Variants in GIPC2 observed in about 807,000 individuals in gnomAD.
GIPC2 encodes PDZ domain-containing protein GIPC2.
A neutral mutation model predicts 30.6 loss-of-function variants in GIPC2; 30 were observed. That is an observed-to-expected ratio of 0.98 (90% CI 0.73 to 1.33). The LOEUF (loss-of-function observed/expected upper bound fraction) is 1.33, where lower values mean the gene tolerates loss of function less well. Ranked by LOEUF, GIPC2 falls within the 40% of genes most tolerant of loss-of-function variation. GIPC2 has a pLI of 0.00. For missense variants in GIPC2, 414 were observed against 390.3 expected, an observed-to-expected ratio of 1.06 and a Z score of -0.51; for synonymous variants, 167 against 150.0, an observed-to-expected ratio of 1.11 and a Z score of -0.83.
intron 1 of GIPC2, among the ~76,000 whole-genome samples, chr1:78,054,992 G>T (rs1340533533): frequency 5.3e-5 from 8 of 152,120 alleles, no homozygotes. Context: ...GCTCTTGCAG[G>T]TTATCTTGGG....
intron 3 of GIPC2, among the ~76,000 whole-genome samples, chr1:78,102,039 C>A (rs540427724): frequency 1.3e-5 from 2 of 152,160 alleles, no homozygotes; most frequent in South Asian, 2.1e-4. Flanking sequence ...GTGATTCTTG[C>A]GTGCCCTTTA....
intron 1 of GIPC2, among the ~76,000 whole-genome samples, chr1:78,062,369 T>C (rs915217257): frequency 6.6e-6 from 1 of 152,184 alleles, no homozygotes; most frequent in Non-Finnish European, 1.5e-5. Context: ...ATTCCTGTTA[T>C]TTCCTTCCTT....
rs758543783 is a variant in GIPC2, at chr1:78,080,777, G to A, written c.343G>A (p.Glu115Lys). 6.2e-6 allele frequency: 10 copies of A among 1,609,342 alleles called. No individual in the cohort carries two copies. Among genetic ancestry groups the A allele is most frequent in the East Asian group, 2.2e-5 (1 of 44,796 alleles). ...CATATTTGCCCATGTGAAAGGAATCGAAAAAGAAGTGAATGTGTATAAATC... is the reference window on the plus strand; with the variant it reads ...CATATTTGCCCATGTGAAAGGAATCAAAAAAGAAGTGAATGTGTATAAATC... The part of the protein sequence containing the change: ...DFIFAHVKGI[E>K]KEVNVYKSED... The change falls in exon 2 of 6, where the codon GAA (glutamate) becomes AAA (lysine). Residue 115 changes from glutamate (E) to lysine (K), a missense_variant. Coordinates refer to ENST00000370759, the MANE Select transcript of GIPC2 (RefSeq NM_017655.6).
Position 78,064,643 on chromosome 1 carries a change from T to C in GIPC2, c.241-16032T>C, listed in dbSNP as rs1026391706. On this transcript the variant is annotated intron_variant, in intron 1 of 5. Coordinates refer to ENST00000370759, the MANE Select transcript of GIPC2 (RefSeq NM_017655.6). Reference sequence around the variant, plus strand: ...AGACGTCCTGTTGGTTTTGTACTTTTAGTTTTAGGATCCATCTTTTTAAAA... The same window carrying C: ...AGACGTCCTGTTGGTTTTGTACTTTCAGTTTTAGGATCCATCTTTTTAAAA... Among the ~76,000 whole-genome samples, 4 of 151,868 alleles carry C rather than the reference T, an allele frequency of 2.6e-5. No individual in the cohort carries two copies. The South Asian group carries it at 6.3e-4, about 24-fold the overall frequency.
At chr1:78,089,225 CAGAT>C (rs1389283540) in intron 2 of GIPC2, 1 of 152,164 alleles carries the variant, frequency 6.6e-6, no homozygotes, top group East Asian at 1.9e-4. Flanking sequence ...ACTTTAGAAT[CAGAT>C]AGGCCTGCTT....
intron 1 of GIPC2, among the ~76,000 whole-genome samples, chr1:78,054,224 AC>A (rs1338295075): frequency 3.3e-5 from 5 of 152,222 alleles, no homozygotes; most frequent in Non-Finnish European, 7.3e-5. Flanking sequence ...ATGATTTTTA[AC>A]ATAGCATTTG....
intron 2 of GIPC2, among the ~76,000 whole-genome samples, chr1:78,085,476 G>T (rs913820806): frequency 1.3e-5 from 2 of 151,202 alleles, no homozygotes; most frequent in Non-Finnish European, 3.0e-5. Context: ...CTCCTCCTCA[G>T]TAGTTTCTAT....
At chr1:78,071,999 G>A (rs1661628499) in intron 1 of GIPC2, among the ~76,000 whole-genome samples, 1 of 152,186 alleles carries the variant, frequency 6.6e-6, no homozygotes, top group Admixed American at 6.5e-5. Flanking sequence ...TTGTCAGAGA[G>A]GCATTGCCGG....
intron 1 of GIPC2, among the ~76,000 whole-genome samples, chr1:78,049,663 T>A (rs1661158823): frequency 6.6e-6 from 1 of 152,204 alleles, no homozygotes; most frequent in Admixed American, 6.5e-5. Context: ...GGGCCCATAA[T>A]GTGCCCACAG....
chr1:78,104,261 A>G (rs1167647894), intron 3 of GIPC2, among the ~76,000 whole-genome samples: 1 of 152,150 alleles, frequency 6.6e-6, no homozygotes, highest in East Asian at 1.9e-4. Context: ...AAAATTTAAA[A>G]GCCACTACAG....
chr1:78,069,850 A>G (rs1427672108), intron 1 of GIPC2, among the ~76,000 whole-genome samples: 1 of 152,010 alleles, frequency 6.6e-6, no homozygotes, highest in Non-Finnish European at 1.5e-5. Flanking sequence ...GATGTTTGAT[A>G]TTTTCTCAGG....
intron 5 of GIPC2, among the ~76,000 whole-genome samples, chr1:78,126,409 G>T (rs1344090227): frequency 6.6e-6 from 1 of 152,128 alleles, no homozygotes; most frequent in Non-Finnish European, 1.5e-5. Context: ...GACTGAGAAG[G>T]GCAGTTGAGC....
At chr1:78,048,100 G>T (rs970713566) in intron 1 of GIPC2, among the ~76,000 whole-genome samples, 2 of 152,226 alleles carry the variant, frequency 1.3e-5, no homozygotes, top group East Asian at 3.9e-4. Flanking sequence ...CACTTTATGG[G>T]TTTATTGGGG....
chr1:78,102,049 A>G (rs775517986), intron 3 of GIPC2, among the ~76,000 whole-genome samples: 1 of 152,202 alleles, frequency 6.6e-6, no homozygotes, highest in African/African-American at 2.4e-5. Flanking sequence ...CGTGCCCTTT[A>G]TGGAAAGAGG....
chr1:78,134,972 C>T (rs1662972898), intron 5 of GIPC2, among the ~76,000 whole-genome samples: 1 of 152,164 alleles, frequency 6.6e-6, no homozygotes, highest in African/African-American at 2.4e-5. Context: ...GGAACCCAGG[C>T]AACTTAGTAG....
In GIPC2 at chr1:78,100,719, C is replaced by G. The variant is rs759442619; in HGVS notation, c.607+5587C>G. Among the ~76,000 whole-genome samples, 54 of 151,918 alleles carry G rather than the reference C, an allele frequency of 3.6e-4. 1 individual carries two copies. Among genetic ancestry groups the G allele is most frequent in the East Asian group, 1.9e-4 (1 of 5,190 alleles). ...TTGAGGAGGGAGGGTCACTTGAGGT[C>G]GGGAGTTTGAGACCAGCCTGGCCAA... On this transcript the variant is annotated intron_variant, in intron 3 of 5. Transcript: ENST00000370759.
At chr1:78,083,567 A>T (rs1301831261) in intron 2 of GIPC2, among the ~76,000 whole-genome samples, 1 of 152,170 alleles carries the variant, frequency 6.6e-6, no homozygotes, top group Non-Finnish European at 1.5e-5. Flanking sequence ...GTATCTGTTG[A>T]TGAGTCTTAC....
At position 78,135,803 on chromosome 1, in the gene GIPC2, A is replaced by C. The variant is rs1662992493; in HGVS notation, c.*60A>C. 2 of 1,410,140 alleles carry C rather than the reference A, an allele frequency of 1.4e-6. No individual in the cohort carries two copies. Among genetic ancestry groups the C allele is most frequent in the Non-Finnish European group, 2.0e-6 (2 of 1,018,840 alleles). The allele number at this position is 1,410,140 out of a possible 1,614,324, so 87.4% of individuals were successfully genotyped here. Reference sequence around the variant, plus strand: ...GTTCTTTTTTTTCTCTTTTTTAAAAAGTCCTATAAGATCTGTTTTTGGACA... The same window carrying C: ...GTTCTTTTTTTTCTCTTTTTTAAAACGTCCTATAAGATCTGTTTTTGGACA... On this transcript the variant is annotated 3_prime_UTR_variant, in exon 6 of 6. Transcript: ENST00000370759.
intron 1 of GIPC2, among the ~76,000 whole-genome samples, chr1:78,070,524 GAT>G (rs34419860): frequency 0.34 from 50,241 of 148,848 alleles, 8,970 homozygotes; most frequent in East Asian, 0.49. Context: ...GGGAGAGGAT[GAT>G]ATATATATAT....
Sources: allele counts gnomAD v4.1 joint callset (sites outside exome capture counted in the v4.1 genomes callset), GRCh38; gene constraint gnomAD v4.1.1; transcripts MANE v1.5; gene names NCBI Gene and HGNC (gene_info 2026-07-23, HGNC 2026-07-21).